The following FAM178B variants were observed in gnomAD, a reference collection of about 807,000 sequenced individuals.
FAM178B encodes the protein protein FAM178B.
FAM178B carries 82 observed loss-of-function variants against 91.7 expected under a neutral mutation model. The ratio of observed to expected loss-of-function variants is 0.89; its 90% CI spans 0.75 to 1.07. FAM178B has a LOEUF of 1.07. Ranked by LOEUF, FAM178B falls within the 50% of genes least tolerant of loss-of-function variation. FAM178B has a pLI of 0.00. For missense variants in FAM178B, 769 were observed against 846.7 expected, an observed-to-expected ratio of 0.91 and a Z score of 1.14; for synonymous variants, 368 against 359.4, an observed-to-expected ratio of 1.02 and a Z score of -0.27.
chr2:96,971,807 C>T (rs996638546), intron 3 of FAM178B, 94 bp downstream of exon 3: 6 of 1,180,310 alleles, frequency 5.1e-6, no homozygotes, highest in Admixed American at 6.5e-5. Context: ...GCAGCTGGGG[C>T]GTGGCTCAGG....
intron 12 of FAM178B, among the ~76,000 whole-genome samples, chr2:96,920,617 A>T (rs1013049421): frequency 3.3e-5 from 5 of 152,040 alleles, no homozygotes; most frequent in African/African-American, 1.2e-4. Context: ...AGAAAAAAAA[A>T]ATTTACAGAG....
chr2:96,885,592 G>A (rs1247877358), intron 14 of FAM178B, among the ~76,000 whole-genome samples: 8 of 152,218 alleles, frequency 5.3e-5, no homozygotes, highest in South Asian at 2.1e-4. Context: ...ATCTCAGAGC[G>A]TCTCCCCATT....
chr2:96,879,208 TG>T (rs1400708058), intron 14 of FAM178B, among the ~76,000 whole-genome samples: 1 of 152,194 alleles, frequency 6.6e-6, no homozygotes, highest in Non-Finnish European at 1.5e-5. Flanking sequence ...GATTCCCAAC[TG>T]CTGCCCGCAG....
intron 13 of FAM178B, chr2:96,895,300 T>C (rs2080799860): frequency 2.7e-6 from 1 of 365,678 alleles, no homozygotes; most frequent in East Asian, 8.0e-5. Context: ...CTGTGTTCAG[T>C]TTTCTCTGTC....
At chr2:96,891,386 G>A (rs1431240251) in intron 14 of FAM178B, among the ~76,000 whole-genome samples, 3 of 152,238 alleles carry the variant, frequency 2.0e-5, no homozygotes, top group Non-Finnish European at 2.9e-5. Flanking sequence ...AGGGGACCAC[G>A]ATGCAGAGGC....
chr2:96,966,342 C>T (rs1284243113), intron 5 of FAM178B, among the ~76,000 whole-genome samples: 1 of 151,964 alleles, frequency 6.6e-6, no homozygotes, highest in East Asian at 1.9e-4. Flanking sequence ...ATCATCAGAG[C>T]CTTCATCATC....
At chr2:96,923,237 C>G (rs1041020289) in intron 10 of FAM178B, among the ~76,000 whole-genome samples, 1 of 151,722 alleles carries the variant, frequency 6.6e-6, no homozygotes, top group African/African-American at 2.4e-5. Context: ...CCTCCCAAAG[C>G]GCTGGGATTA....
intron 12 of FAM178B, among the ~76,000 whole-genome samples, chr2:96,914,389 C>A (rs1045541980): frequency 4.6e-5 from 7 of 152,172 alleles, no homozygotes; most frequent in African/African-American, 1.7e-4. Flanking sequence ...GCCCAGTGCA[C>A]CGCAGGGACA....
chr2:96,906,143 C>T (rs932797541), intron 12 of FAM178B, among the ~76,000 whole-genome samples: 3 of 150,218 alleles, frequency 2.0e-5, no homozygotes, highest in African/African-American at 7.3e-5. Context: ...CTCAGCCTCC[C>T]AAAGTGCTGG....
intron 6 of FAM178B, chr2:96,951,714 T>C: frequency 2.0e-6 from 1 of 489,146 alleles, no homozygotes; most frequent in Non-Finnish European, 3.7e-6. Flanking sequence ...TGAACACACC[T>C]CATGGTGTTT....
rs563588861 is a variant in FAM178B, at chr2:96,892,803, C to T, written c.1776+1123G>A. Among the ~76,000 whole-genome samples the T allele has an allele frequency of 2.6e-5, 4 of 152,270 alleles. No individual in the cohort carries two copies. In the East Asian group the frequency reaches 5.8e-4, roughly 22 times the overall value. On this transcript the variant is annotated intron_variant, in intron 14 of 16. Coordinates refer to ENST00000490605, the MANE Select transcript of FAM178B (RefSeq NM_001122646.3). ...CCTCCCTGAGTTCTGTTTAGACAGA[C>T]CACCCCAGGACTGACCCCCACCTCC...
At chr2:96,950,980 A>G (rs1380594162) in intron 7 of FAM178B, among the ~76,000 whole-genome samples, 3 of 152,144 alleles carry the variant, frequency 2.0e-5, no homozygotes, top group Non-Finnish European at 4.4e-5. Flanking sequence ...TGGTGAAGAA[A>G]TTAGCTTTGT....
intron 8 of FAM178B, among the ~76,000 whole-genome samples, chr2:96,936,390 A>G (rs771673888): frequency 2.6e-5 from 4 of 151,362 alleles, no homozygotes; most frequent in Admixed American, 6.6e-5. Context: ...TTTAGTAGAG[A>G]CGGGGTTTCA....
chr2:96,897,673 C>T (rs1227024868), intron 13 of FAM178B, among the ~76,000 whole-genome samples: 5 of 152,336 alleles, frequency 3.3e-5, no homozygotes, highest in South Asian at 4.1e-4. Flanking sequence ...TCACCGCCCA[C>T]GCTGCTGTTT....
At chr2:96,898,017 C>G in intron 13 of FAM178B, 1 of 985,532 alleles carries the variant, frequency 1.0e-6, no homozygotes, top group Non-Finnish European at 1.2e-6. Flanking sequence ...GTGGGAGATA[C>G]AGAGCCCAGC....
At chr2:96,876,956 T>C (rs114002042) in intron 16 of FAM178B, among the ~76,000 whole-genome samples, 3,583 of 152,196 alleles carry the variant, frequency 0.024, 132 homozygotes, top group African/African-American at 0.081. Flanking sequence ...GCTCATGCCC[T>C]GATTCTGACA....
intron 14 of FAM178B, among the ~76,000 whole-genome samples, chr2:96,892,946 C>T (rs945077093): frequency 6.6e-6 from 1 of 152,236 alleles, no homozygotes; most frequent in East Asian, 1.9e-4. Flanking sequence ...GCCTCATAAA[C>T]GCACTAATAT....
At chr2:96,921,747 G>C in intron 10 of FAM178B, 93 bp from the exon 11 acceptor site, 1 of 1,304,842 alleles carries the variant, frequency 7.7e-7, no homozygotes, top group Non-Finnish European at 1.1e-6. Context: ...TTAGGCAGAA[G>C]GGATGGTACT....
rs753446437 is a variant in FAM178B at position 96,921,116 on chromosome 2, CG to C, written c.1562+48del. On this transcript the variant is annotated intron_variant, in intron 12 of 16. Coordinates refer to ENST00000490605, the MANE Select transcript of FAM178B (RefSeq NM_001122646.3). ...AGGACTCTGGATCCCTACAAGACCC[CG>C]AAGAGATGCGTGTGAGAGGGAGGAG... 3 of 1,477,416 alleles carry C rather than the reference CG, an allele frequency of 2.0e-6. No homozygotes were observed. In the South Asian group the frequency reaches 3.6e-5, roughly 18 times the overall value. 91.5% of individuals were successfully genotyped at this position (1,477,416 alleles called of 1,614,324 possible).
Sources: allele counts gnomAD v4.1 joint callset (sites outside exome capture counted in the v4.1 genomes callset), GRCh38; gene constraint gnomAD v4.1.1; transcripts MANE v1.5; gene names NCBI Gene and HGNC (gene_info 2026-07-23, HGNC 2026-07-21).